The following ARHGAP17 variants were observed in gnomAD, a reference collection of about 807,000 sequenced individuals.
ARHGAP17 encodes the protein Rho GTPase activating protein 17.
A neutral mutation model predicts 99.5 loss-of-function variants in ARHGAP17; 57 were observed. That is an observed-to-expected ratio of 0.57 (90% CI 0.46 to 0.71). ARHGAP17 has a LOEUF of 0.71. ARHGAP17 is among the 30% of genes least tolerant of loss of function. The probability of loss-of-function intolerance (pLI) is 0.00; values close to 1 mark genes in which losing one functional copy is unlikely to be tolerated. For synonymous variants in ARHGAP17, 417 were observed against 429.6 expected (o/e 0.97, Z 0.36); for missense variants, 1,000 against 1,122.4 (o/e 0.89, Z 1.56).
chr16:24,965,163 T>C (rs919120854), intron 6 of ARHGAP17, among the ~76,000 whole-genome samples: 5 of 151,150 alleles, frequency 3.3e-5, no homozygotes, highest in African/African-American at 9.7e-5. Context: ...ATAGATGTTA[T>C]AAAATGCAGC....
intron 12 of ARHGAP17, among the ~76,000 whole-genome samples, chr16:24,951,967 G>C (rs867740324): frequency 6.6e-6 from 1 of 152,158 alleles, no homozygotes; most frequent in Admixed American, 6.5e-5. Context: ...GGGTCAGTAT[G>C]ACCCCTATCC....
Position 24,930,960 on chromosome 16 carries a change from G to A in ARHGAP17, c.2339C>T (p.Ala780Val), listed in dbSNP as rs112009861. 3 of 1,613,974 alleles carry A rather than the reference G, an allele frequency of 1.9e-6. No individual in the cohort carries two copies. Among genetic ancestry groups the A allele is most frequent in the African/African-American group, 2.7e-5 (2 of 74,988 alleles). ...CTGTGCAGTTTCAGGGTTACCCCCT[G>A]CCAGGGTCTGAGGAGCTGGCAGACT... ...NPSLPAPQTL[A>V]GGNPETAQPH... The change falls in exon 19 of 20, where the codon GCA (alanine) becomes GTA (valine). Residue 780 changes from alanine (A) to valine (V), a missense_variant. Around this residue, in one of 2 missense-constraint regions of ARHGAP17, gnomAD observed 528 missense variants for 511.4 expected, o/e 1.03. Transcript: ENST00000289968.
chr16:24,973,464 C>G (rs1268353505), intron 3 of ARHGAP17, among the ~76,000 whole-genome samples: 1 of 152,228 alleles, frequency 6.6e-6, no homozygotes, highest in Non-Finnish European at 1.5e-5. Context: ...AAAGTGTAGG[C>G]ATCCTCAAAG....
At chr16:24,926,104 C>T (rs151272691) in intron 19 of ARHGAP17, among the ~76,000 whole-genome samples, 18,850 of 120,594 alleles carry the variant, frequency 0.16, 1,653 homozygotes, top group Middle Eastern at 0.35. Context: ...AGTGAGACTC[C>T]GTCTGAAAAA....
At chr16:24,944,830 A>G (rs2051421238) in intron 14 of ARHGAP17, among the ~76,000 whole-genome samples, 1 of 151,706 alleles carries the variant, frequency 6.6e-6, no homozygotes, top group South Asian at 2.1e-4. Flanking sequence ...GTTAGCCAGG[A>G]TGGTCTCGAT....
intron 19 of ARHGAP17, chr16:24,929,591 G>A (rs1400107689): frequency 3.0e-6 from 3 of 987,738 alleles, no homozygotes; most frequent in African/African-American, 1.7e-5. Flanking sequence ...TATGGGGCAA[G>A]CTGCTCGGGG....
chr16:24,966,086 C>A (rs2052171462), intron 6 of ARHGAP17, among the ~76,000 whole-genome samples: 1 of 152,214 alleles, frequency 6.6e-6, no homozygotes, highest in Non-Finnish European at 1.5e-5. Flanking sequence ...AATGCTCAAC[C>A]AACTCTAGTG....
In ARHGAP17 at chr16:24,930,781, T is replaced by A; in HGVS notation, c.2515+3A>T. 6.2e-7 allele frequency: 1 copy of A among 1,614,214 alleles called. No homozygotes were observed. The highest frequency in any genetic ancestry group is 8.5e-7 in the Non-Finnish European group (1 of 1,180,032). ...GAAATACGGGCATTGATGTCCTACTTACCTGTTACTATCTTGGAAGCTGTT... is the reference window on the plus strand; with the variant it reads ...GAAATACGGGCATTGATGTCCTACTAACCTGTTACTATCTTGGAAGCTGTT... On this transcript the variant is annotated splice_donor_region_variant and intron_variant, in intron 19 of 19. Coordinates refer to ENST00000289968, the MANE Select transcript of ARHGAP17 (RefSeq NM_001006634.3).
intron 1 of ARHGAP17, among the ~76,000 whole-genome samples, chr16:25,000,591 T>C (rs2053334889): frequency 6.6e-6 from 1 of 152,192 alleles, no homozygotes; most frequent in African/African-American, 2.4e-5. Flanking sequence ...TTAAAACCTC[T>C]ACCTAAATCT....
chr16:24,922,271 G>A (rs1567724759), intron 19 of ARHGAP17, among the ~76,000 whole-genome samples: 1 of 152,198 alleles, frequency 6.6e-6, no homozygotes, highest in Non-Finnish European at 1.5e-5. Flanking sequence ...GGGAATGCAT[G>A]ATGCAAAGGC....
chr16:24,935,338 A>T (rs1597370147), intron 18 of ARHGAP17, 132 bp downstream of exon 18: 3 of 1,137,306 alleles, frequency 2.6e-6, no homozygotes, highest in Non-Finnish European at 2.4e-6. Flanking sequence ...TGAATGACTG[A>T]ATTTTCTGCT....
intron 1 of ARHGAP17, among the ~76,000 whole-genome samples, chr16:24,993,360 C>G (rs554580657): frequency 6.6e-6 from 1 of 152,002 alleles, no homozygotes; most frequent in African/African-American, 2.4e-5. Flanking sequence ...CCGAGGTGGG[C>G]GGATCACCTA....
chr16:25,002,142 A>G (rs1281516024), intron 1 of ARHGAP17, among the ~76,000 whole-genome samples: 1 of 152,208 alleles, frequency 6.6e-6, no homozygotes, highest in Non-Finnish European at 1.5e-5. Flanking sequence ...TCAATGGAAT[A>G]GAATAGAAAG....
rs2051243015 is a variant in ARHGAP17, at chr16:24,939,350, G to A, written c.1724+14C>T. On this transcript the variant is annotated intron_variant, in intron 17 of 19. Coordinates refer to ENST00000289968, the MANE Select transcript of ARHGAP17 (RefSeq NM_001006634.3). ...CGTCCAGCCTCCACTGCCAGCAGAA[G>A]TCAGCCTCCTTACCTGCCGTCGCCT... 1.3e-6 allele frequency: 2 copies of A among 1,582,110 alleles called. No homozygotes were observed. The highest frequency in any genetic ancestry group is 1.7e-6 in the Non-Finnish European group (2 of 1,171,750).
intron 3 of ARHGAP17, among the ~76,000 whole-genome samples, chr16:24,974,407 C>A (rs1012724265): frequency 6.6e-6 from 1 of 152,028 alleles, no homozygotes; most frequent in South Asian, 2.1e-4. Flanking sequence ...CCAGCCTGGG[C>A]GACACAGCAA....
chr16:24,975,793 A>G (rs2052496679), intron 3 of ARHGAP17, among the ~76,000 whole-genome samples: 2 of 152,210 alleles, frequency 1.3e-5, no homozygotes, highest in Admixed American at 6.5e-5. Flanking sequence ...GGTTTACCGC[A>G]TGCTCATAAG....
intron 7 of ARHGAP17, among the ~76,000 whole-genome samples, chr16:24,961,725 A>T (rs924199618): frequency 6.7e-5 from 10 of 150,300 alleles, no homozygotes; most frequent in African/African-American, 2.4e-4. Flanking sequence ...GTAGAGATGG[A>T]GTTTCATCAT....
chr16:24,935,811 G>A (rs1298016620), intron 17 of ARHGAP17, 172 bp from the exon 18 acceptor site: 1 of 712,026 alleles, frequency 1.4e-6, no homozygotes, highest in South Asian at 1.8e-5. Context: ...TTTACTTGGT[G>A]CCATATAAAG....
chr16:24,960,128 G>A, intron 7 of ARHGAP17, 149 bp from the exon 8 acceptor site: 1 of 700,258 alleles, frequency 1.4e-6, no homozygotes, highest in Admixed American at 2.7e-5. Context: ...CAACCATACA[G>A]AAAGAATAAG....
Sources: allele counts gnomAD v4.1 joint callset (sites outside exome capture counted in the v4.1 genomes callset), GRCh38; gene constraint gnomAD v4.1.1; regional missense constraint gnomAD v4.1.1; transcripts MANE v1.5; gene names NCBI Gene and HGNC (gene_info 2026-07-23, HGNC 2026-07-21).